Variants in PPP2R2B observed in about 807,000 individuals in gnomAD.
The protein encoded by PPP2R2B is protein phosphatase 2 regulatory subunit Bbeta, also known as serine/threonine-protein phosphatase 2A 55 kDa regulatory subunit B beta isoform.
PPP2R2B carries 5 observed loss-of-function variants against 46.0 expected under a neutral mutation model. The observed-to-expected ratio is 0.11, with a 90% CI of 0.06 to 0.23. The LOEUF (loss-of-function observed/expected upper bound fraction) is 0.23. PPP2R2B is among the 10% of genes least tolerant of loss of function. The pLI, the probability that PPP2R2B is intolerant of heterozygous loss-of-function variation, is 1.00. For synonymous variants in PPP2R2B, 215 were observed against 206.7 expected, an observed-to-expected ratio of 1.04 and a Z score of -0.34; for missense variants, 367 against 575.0, an observed-to-expected ratio of 0.64 and a Z score of 3.70.
At chr5:146,885,690 T>G (rs1762297803) in intron 1 of PPP2R2B, among the ~76,000 whole-genome samples, 1 of 152,180 alleles carries the variant, frequency 6.6e-6, no homozygotes, top group Non-Finnish European at 1.5e-5. Context: ...AGTAGCATTA[T>G]TTATAATAGC....
At chr5:146,974,468 C>T (rs1752805070) in intron 1 of PPP2R2B, among the ~76,000 whole-genome samples, 1 of 152,050 alleles carries the variant, frequency 6.6e-6, no homozygotes, top group African/African-American at 2.4e-5. Flanking sequence ...GGGTTGGTGG[C>T]CTGAATCACT....
intron 1 of PPP2R2B, among the ~76,000 whole-genome samples, chr5:146,903,551 A>G (rs1433588204): frequency 6.6e-6 from 1 of 151,890 alleles, no homozygotes; most frequent in Non-Finnish European, 1.5e-5. Flanking sequence ...GCATGCCACC[A>G]CACCTGTCTA....
At chr5:147,065,792 C>T (rs986210483) in intron 2 of PPP2R2B, among the ~76,000 whole-genome samples, 4 of 151,978 alleles carry the variant, frequency 2.6e-5, no homozygotes, top group African/African-American at 4.8e-5. Context: ...GGAGGGCTTT[C>T]GGAGGAAGAA....
At chr5:146,650,818 T>C in intron 5 of PPP2R2B, 94 bp from the exon 6 acceptor site, 1 of 1,179,036 alleles carries the variant, frequency 8.5e-7, no homozygotes, top group Non-Finnish European at 1.2e-6. Flanking sequence ...ACACACAAAA[T>C]AATAGCCACA....
rs754401496 is a variant in PPP2R2B, at chr5:146,590,090, C to T, written c.1189G>A (p.Gly397Ser). 4 of 1,614,048 alleles carry T rather than the reference C, an allele frequency of 2.5e-6. No homozygotes were observed. The African/African-American group carries it at 5.3e-5, about 22-fold the overall frequency. Reference protein sequence around the residue: ...ILKPRKVCVGGKRRKDEISVD... With the variant: ...ILKPRKVCVGSKRRKDEISVD... ...CTGATCTCGTCTTTTCTCCGCTTGC[C>T]CCCCACACACACTTTTCGGGGTTTG... The change falls in exon 10 of 10, where the codon GGC becomes AGC. Residue 397 changes from glycine (G) to serine (S), a missense_variant. Transcript: ENST00000394411.
intron 5 of PPP2R2B, among the ~76,000 whole-genome samples, chr5:146,651,677 C>T (rs1775970894): frequency 6.6e-6 from 1 of 152,140 alleles, no homozygotes; most frequent in African/African-American, 2.4e-5. Flanking sequence ...GGTGTGGTCA[C>T]TTAATAGAAA....
intron 7 of PPP2R2B, among the ~76,000 whole-genome samples, chr5:146,636,707 C>T (rs1488674839): frequency 6.6e-6 from 1 of 152,224 alleles, no homozygotes; most frequent in Non-Finnish European, 1.5e-5. Context: ...TCACTGAATG[C>T]ATGAATACAT....
At chr5:146,633,989 C>A (rs1285481563) in intron 7 of PPP2R2B, among the ~76,000 whole-genome samples, 1 of 152,218 alleles carries the variant, frequency 6.6e-6, no homozygotes, top group Non-Finnish European at 1.5e-5. Flanking sequence ...CTAACTAATG[C>A]ATCTTCTCTC....
intron 5 of PPP2R2B, among the ~76,000 whole-genome samples, chr5:146,651,932 G>A (rs976100374): frequency 2.0e-5 from 3 of 152,122 alleles, no homozygotes; most frequent in Non-Finnish European, 2.9e-5. Flanking sequence ...TCACCTATGC[G>A]GGAGTTTTTA....
rs192384528 is a variant in PPP2R2B at position 146,605,685 on chromosome 5, C to T, written c.791-5225G>A. Among the ~76,000 whole-genome samples the T allele has an allele frequency of 1.2e-3, 184 of 152,342 alleles. 5 individuals carry two copies. In the Middle Eastern group the frequency reaches 0.044, roughly 37 times the overall value. On this transcript the variant is annotated intron_variant, in intron 7 of 9. Coordinates refer to ENST00000394411, the MANE Select transcript of PPP2R2B (RefSeq NM_181675.4). Reference sequence around the variant, plus strand: ...AAATGTTCCCCAGGGGGCATGACTGCCCCTGGTTGAGAATCACTGCTTTAA... The same window carrying T: ...AAATGTTCCCCAGGGGGCATGACTGTCCCTGGTTGAGAATCACTGCTTTAA...
chr5:146,722,586 T>G (rs186048246), intron 2 of PPP2R2B, among the ~76,000 whole-genome samples: 248 of 152,306 alleles, frequency 1.6e-3, no homozygotes, highest in Non-Finnish European at 2.7e-3. Flanking sequence ...AAAAACAGCT[T>G]CATCTAACAG....
intron 2 of PPP2R2B, among the ~76,000 whole-genome samples, chr5:146,815,449 C>A (rs1757874137): frequency 6.6e-6 from 1 of 152,194 alleles, no homozygotes; most frequent in African/African-American, 2.4e-5. Flanking sequence ...TAGGTGCTCA[C>A]TAAGCATCTG....
intron 7 of PPP2R2B, among the ~76,000 whole-genome samples, chr5:146,636,817 C>T (rs1457676253): frequency 6.6e-6 from 1 of 152,210 alleles, no homozygotes; most frequent in Non-Finnish European, 1.5e-5. Context: ...TTCCCCCAAG[C>T]CTGACACTTT....
intron 2 of PPP2R2B, among the ~76,000 whole-genome samples, chr5:146,812,791 G>GTATATATATATGTATATATATATA (rs1239921320): frequency 1.0e-4 from 1 of 9,946 alleles, no homozygotes; most frequent in Non-Finnish European, 1.8e-4. Flanking sequence ...GTGTATATGT[G>GTATATATATATGTATATATATATA]TGTATATATA....
At chr5:146,735,456 CCCAGAGCCTCAG>C (rs1236271154) in intron 2 of PPP2R2B, among the ~76,000 whole-genome samples, 1 of 152,018 alleles carries the variant, frequency 6.6e-6, no homozygotes, top group Non-Finnish European at 1.5e-5. Flanking sequence ...ACATAATAAT[CCCAGAGCCTCAG>C]CTTGGGCTGA....
chr5:146,986,776 T>C (rs1007665655), intron 1 of PPP2R2B, among the ~76,000 whole-genome samples: 3 of 152,050 alleles, frequency 2.0e-5, no homozygotes, highest in East Asian at 3.9e-4. Context: ...TAAGATAGTA[T>C]CAAAATAGCA....
At chr5:146,754,111 C>T (rs2151241813) in intron 2 of PPP2R2B, among the ~76,000 whole-genome samples, 1 of 152,270 alleles carries the variant, frequency 6.6e-6, no homozygotes, top group East Asian at 1.9e-4. Flanking sequence ...CTGCCACAAG[C>T]CCCCGCCACG....
At chr5:146,685,982 G>A (rs1246487657) in intron 5 of PPP2R2B, among the ~76,000 whole-genome samples, 1 of 151,970 alleles carries the variant, frequency 6.6e-6, no homozygotes, top group East Asian at 1.9e-4. Flanking sequence ...CTGCCCCATG[G>A]TCAGGAATAT....
In PPP2R2B at chr5:146,952,295, A is replaced by AT. The variant is rs964437756; in HGVS notation, c.79+103369dup. 1.7e-4 allele frequency among the ~76,000 whole-genome samples: 26 copies of AT among 151,524 alleles called. No individual in the cohort carries two copies. In the East Asian group the frequency reaches 3.9e-3, roughly 23 times the overall value. ...ACAACACCATAAAGTACTTGTGGTG[A>AT]TTTTTTTTTCTCCATCCATTCACTC... On this transcript the variant is annotated intron_variant, in intron 1 of 8. Transcript: ENST00000336640.
Sources: gnomAD v4.1 joint callset for allele counts (sites outside exome capture counted in the v4.1 genomes callset) on GRCh38, gnomAD v4.1.1 for gene constraint, MANE v1.5 for transcripts, NCBI Gene and HGNC (gene_info 2026-07-23, HGNC 2026-07-21) for gene names.